The following SRGAP2 variants were observed in gnomAD, a reference collection of about 807,000 sequenced individuals.
The protein encoded by SRGAP2 is SLIT-ROBO Rho GTPase activating protein 2.
Under a neutral mutation model 57.2 loss-of-function variants are expected in SRGAP2, and 15 were observed. The ratio of observed to expected loss-of-function variants is 0.26; its 90% confidence interval spans 0.18 to 0.40. SRGAP2 has a LOEUF of 0.40. Among genes scored for constraint, SRGAP2 ranks in the 10% least tolerant of loss-of-function variants. The pLI, the probability that SRGAP2 is intolerant of heterozygous loss-of-function variation, is 1.00. For synonymous variants in SRGAP2, 249 were observed against 248.0 expected (o/e 1.00, Z -0.04); for missense variants, 520 against 669.6 (o/e 0.78, Z 2.47).
chr1:206,447,193 C>A (rs982657602), intron 18 of SRGAP2, among the ~76,000 whole-genome samples: 3 of 151,672 alleles, frequency 2.0e-5, no homozygotes, highest in African/African-American at 7.2e-5. Context: ...CCTCCTCCCC[C>A]TCCCTTCTTC....
chr1:206,413,228 C>T (rs1342921592), intron 10 of SRGAP2, among the ~76,000 whole-genome samples: 2 of 152,146 alleles, frequency 1.3e-5, no homozygotes, highest in Non-Finnish European at 2.9e-5. Context: ...GAATTTTCCT[C>T]ATTAGGAAAC....
intron 18 of SRGAP2, among the ~76,000 whole-genome samples, chr1:206,449,286 ATTTTTTTT>A (rs35698284): frequency 1.8e-5 from 2 of 110,708 alleles, no homozygotes; most frequent in South Asian, 3.2e-4. Context: ...ACACTGGATG[ATTTTTTTT>A]TTTTTTTTTT....
intron 4 of SRGAP2, among the ~76,000 whole-genome samples, chr1:206,372,951 CTTTCTTTTCTTTCCTTTCTTTCTTTCTTT>C (rs1189513882): frequency 0.015 from 172 of 11,334 alleles, 17 homozygotes; most frequent in African/African-American, 0.026. Flanking sequence ...TTCTTTCTTT[CTTTCTTTTCTTTCCTTTCTTTCTTTCTTT>C]CTTTCTTTCT....
intron 2 of SRGAP2, among the ~76,000 whole-genome samples, chr1:206,231,540 A>ATT (rs781976024): frequency 1.8e-4 from 26 of 143,268 alleles, no homozygotes; most frequent in African/African-American, 6.7e-4. Context: ...TAGTTTTCTA[A>ATT]TTTTTTTTTT....
chr1:206,321,964 G>A (rs544686895), intron 3 of SRGAP2, among the ~76,000 whole-genome samples: 5,402 of 151,878 alleles, frequency 0.036, 289 homozygotes, highest in African/African-American at 0.12. Flanking sequence ...TATGCTCTTT[G>A]TAACTGAAGT....
chr1:206,286,719 C>T (rs1467119472), intron 2 of SRGAP2, among the ~76,000 whole-genome samples: 1 of 151,816 alleles, frequency 6.6e-6, no homozygotes, highest in Non-Finnish European at 1.5e-5. Context: ...GCAGAGAGCT[C>T]AATGAAGTGA....
At chr1:206,273,947 C>T (rs1670266743) in intron 2 of SRGAP2, among the ~76,000 whole-genome samples, 1 of 144,792 alleles carries the variant, frequency 6.9e-6, no homozygotes, top group Admixed American at 6.8e-5. Flanking sequence ...TTTTTTCTAT[C>T]CCTTCATTCA....
chr1:206,283,100 A>C (rs1437472538), intron 2 of SRGAP2, among the ~76,000 whole-genome samples: 1 of 151,672 alleles, frequency 6.6e-6, no homozygotes, highest in Non-Finnish European at 1.5e-5. Flanking sequence ...TGTTGGCTGG[A>C]GTACTTTTCC....
intron 5 of SRGAP2, among the ~76,000 whole-genome samples, chr1:206,384,693 A>G (rs1656028374): frequency 6.6e-6 from 1 of 151,382 alleles, no homozygotes; most frequent in South Asian, 2.1e-4. Flanking sequence ...CGCTTCAGGC[A>G]CATGATGCCT....
chr1:206,369,178 T>C (rs1398006520), intron 4 of SRGAP2, among the ~76,000 whole-genome samples: 3 of 152,162 alleles, frequency 2.0e-5, no homozygotes, highest in Non-Finnish European at 4.4e-5. Flanking sequence ...ATGCAAACTT[T>C]AAATTAACTA....
At chr1:206,432,315 A>T (rs3849275) in intron 14 of SRGAP2, among the ~76,000 whole-genome samples, 1 of 152,044 alleles carries the variant, frequency 6.6e-6, no homozygotes, top group South Asian at 2.1e-4. Context: ...GCACATTTAT[A>T]TGTTACTAAT....
chr1:206,378,523 T>C (rs1655418252), intron 4 of SRGAP2, among the ~76,000 whole-genome samples: 1 of 151,964 alleles, frequency 6.6e-6, no homozygotes, highest in Non-Finnish European at 1.5e-5. Flanking sequence ...GATAAAAGAA[T>C]AGGAAATATC....
chr1:206,244,616 G>C (rs1395854177), intron 2 of SRGAP2, among the ~76,000 whole-genome samples: 3 of 150,008 alleles, frequency 2.0e-5, no homozygotes, highest in African/African-American at 7.4e-5. Context: ...TCTTCAAAGA[G>C]GGCCTGAAAT....
chr1:206,295,474 C>T (rs1360428337), intron 2 of SRGAP2, among the ~76,000 whole-genome samples: 12 of 151,714 alleles, frequency 7.9e-5, no homozygotes, highest in African/African-American at 2.7e-4. Context: ...CTGCCTGCCT[C>T]GGCCTCACAA....
intron 2 of SRGAP2, among the ~76,000 whole-genome samples, chr1:206,260,629 G>A (rs1553313339): frequency 6.6e-6 from 1 of 152,190 alleles, no homozygotes; most frequent in Non-Finnish European, 1.5e-5. Flanking sequence ...AGTATGTCTT[G>A]GGGATCTTTC....
intron 2 of SRGAP2, among the ~76,000 whole-genome samples, chr1:206,209,883 A>C (rs1666199148): frequency 1.1e-5 from 1 of 90,092 alleles, no homozygotes; most frequent in Non-Finnish European, 1.9e-5. Flanking sequence ...TGCTATGTAA[A>C]TAGTTATACT....
chr1:206,443,988 G>C (rs969537608), intron 17 of SRGAP2, among the ~76,000 whole-genome samples: 2 of 152,042 alleles, frequency 1.3e-5, no homozygotes, highest in Admixed American at 6.6e-5. Flanking sequence ...TCAGGAGTTT[G>C]AGACCAGCCT....
At chr1:206,363,372 A>G (rs1677049605) in intron 4 of SRGAP2, among the ~76,000 whole-genome samples, 1 of 151,708 alleles carries the variant, frequency 6.6e-6, no homozygotes, top group South Asian at 2.1e-4. Context: ...CTGTACCCTT[A>G]ACCCAAATTC....
chr1:206,268,081 AT>A (rs71568075), intron 2 of SRGAP2, among the ~76,000 whole-genome samples: 8,924 of 145,172 alleles, frequency 0.061, 268 homozygotes, highest in Middle Eastern at 0.093. Context: ...ATATATATAT[AT>A]TTTTTTTTTT....
Sources: allele counts gnomAD v4.1 joint callset (sites outside exome capture counted in the v4.1 genomes callset), GRCh38; gene constraint gnomAD v4.1.1; transcripts MANE v1.5; gene names NCBI Gene and HGNC (gene_info 2026-07-23, HGNC 2026-07-21).